LMNB1: variants seen among roughly 807,000 people sequenced by gnomAD.
LMNB1 encodes the protein lamin-B1.
In LMNB1, 23 loss-of-function variants were observed where a neutral mutation model predicts 67.1. That is an observed-to-expected ratio of 0.34 (90% CI 0.25 to 0.49). The LOEUF is 0.49. Ranked by LOEUF, LMNB1 falls within the 20% of genes least tolerant of loss-of-function variation. LMNB1 has a pLI of 0.99. For synonymous variants in LMNB1, 281 were observed against 282.9 expected, an observed-to-expected ratio of 0.99 and a Z score of 0.07; for missense variants, 634 against 746.5, an observed-to-expected ratio of 0.85 and a Z score of 1.76.
intron 10 of LMNB1, among the ~76,000 whole-genome samples, chr5:126,833,112 C>G (rs1432528964): frequency 2.6e-5 from 4 of 152,130 alleles, no homozygotes; most frequent in African/African-American, 9.7e-5. Context: ...CTTGTTTACT[C>G]TGTAGGGTCC....
Position 126,819,006 on chromosome 5 carries a change from AAAGAGAG to A in LMNB1, c.1026_1032del (p.Glu343ArgfsTer5). The A allele has an allele frequency of 6.2e-7, 1 of 1,614,170 alleles. No individual in the cohort carries two copies. The highest frequency in any genetic ancestry group is 8.5e-7 in the Non-Finnish European group (1 of 1,179,990). ...CAACTCTCGTCGCATGCTGACAGAC[AAAGAGAG>A]AGAGATGGCGGAAATAAGGGATCAA... On this transcript the variant is annotated frameshift_variant, in exon 6 of 11. Transcript: ENST00000261366. LOFTEE classifies it high-confidence loss of function.
chr5:126,821,041 G>T lies in LMNB1; in HGVS notation c.1292G>T (p.Ser431Ile). ...VEESEASSSV[S>I]ISHSASATGN... ...GAATCAGAGGCGAGTAGTAGTGTTA[G>T]CATCTCTCATTCCGCCTCAGCCACT... The change falls in exon 7 of 11, where the codon AGC (serine) becomes ATC (isoleucine). Residue 431 changes from serine to isoleucine, a missense_variant. Transcript: ENST00000261366. 6.2e-7 allele frequency: 1 copy of T among 1,613,988 alleles called. No homozygotes were observed.
At chr5:126,777,930 A>T (rs1580518452) in intron 1 of LMNB1, 63 bp downstream of exon 1, 3 of 1,369,048 alleles carry the variant, frequency 2.2e-6, no homozygotes, top group Non-Finnish European at 2.8e-6. Context: ...CGCGGCGACC[A>T]GCTCACCGGG....
At chr5:126,780,481 A>G (rs1750604350) in intron 1 of LMNB1, among the ~76,000 whole-genome samples, 5 of 152,232 alleles carry the variant, frequency 3.3e-5, no homozygotes, top group Admixed American at 2.6e-4. Flanking sequence ...TCTAAAATGC[A>G]TGCTGGTTTC....
At chr5:126,800,951 CTATATATA>C (rs57113826) in intron 1 of LMNB1, among the ~76,000 whole-genome samples, 14 of 47,302 alleles carry the variant, frequency 3.0e-4, no homozygotes, top group South Asian at 1.0e-3. Flanking sequence ...TGCAGCCAGA[CTATATATA>C]TATATATATA....
chr5:126,808,124 G>A (rs1019612527), intron 3 of LMNB1, among the ~76,000 whole-genome samples: 3 of 151,478 alleles, frequency 2.0e-5, no homozygotes, highest in African/African-American at 7.3e-5. Context: ...CATCTGCCTC[G>A]GCCTCCCAAA....
intron 9 of LMNB1, 129 bp from the exon 10 acceptor site, chr5:126,832,565 G>T (rs1752160113): frequency 6.9e-6 from 4 of 577,364 alleles, no homozygotes; most frequent in South Asian, 6.8e-5. Context: ...CTCCCAAAGT[G>T]CTGGGATTAC....
chr5:126,835,119 T>C (rs1752220242), intron 10 of LMNB1, among the ~76,000 whole-genome samples: 1 of 152,110 alleles, frequency 6.6e-6, no homozygotes, highest in African/African-American at 2.4e-5. Flanking sequence ...TGAGGGAATA[T>C]ATAATGGAAA....
chr5:126,787,546 A>ATTTTTTTTTTTTTTTTTT (rs142332901), intron 1 of LMNB1, among the ~76,000 whole-genome samples: 29 of 65,574 alleles, frequency 4.4e-4, no homozygotes, highest in Non-Finnish European at 6.8e-4. Flanking sequence ...ATATATATAT[A>ATTTTTTTTTTTTTTTTTT]TTTTTTTTTT....
intron 9 of LMNB1, among the ~76,000 whole-genome samples, chr5:126,830,605 A>G (rs1390765362): frequency 1.3e-5 from 2 of 152,204 alleles, no homozygotes; most frequent in Non-Finnish European, 2.9e-5. Flanking sequence ...AAGGTAATTC[A>G]TAATAATGAA....
chr5:126,787,044 A>G (rs1750804885), intron 1 of LMNB1, among the ~76,000 whole-genome samples: 1 of 152,204 alleles, frequency 6.6e-6, no homozygotes, highest in Non-Finnish European at 1.5e-5. Flanking sequence ...TTTGTGGAAC[A>G]GGTACTATAT....
chr5:126,787,546 A>ATATATATATATATTTTTTT, intron 1 of LMNB1, among the ~76,000 whole-genome samples: 14 of 65,554 alleles, frequency 2.1e-4, no homozygotes, highest in African/African-American at 5.9e-4. Context: ...ATATATATAT[A>ATATATATATATATTTTTTT]TTTTTTTTTT....
chr5:126,800,977 ATAT>A (rs1386983199), intron 1 of LMNB1, among the ~76,000 whole-genome samples: 4 of 38,268 alleles, frequency 1.0e-4, no homozygotes, highest in African/African-American at 2.3e-4. Flanking sequence ...ATATATATAT[ATAT>A]AATTTTTTTT....
intron 6 of LMNB1, 80 bp from the exon 7 acceptor site, chr5:126,820,830 T>G: frequency 4.4e-5 from 47 of 1,064,044 alleles, no homozygotes; most frequent in Non-Finnish European, 5.8e-5. Context: ...GCCCAGCCCT[T>G]GTTTTTTTGT....
chr5:126,822,462 G>A (rs180808199), intron 7 of LMNB1, among the ~76,000 whole-genome samples: 4 of 152,336 alleles, frequency 2.6e-5, no homozygotes, highest in Non-Finnish European at 1.5e-5. Flanking sequence ...TTGTGATTAT[G>A]ACAGCTAGAT....
chr5:126,820,787 A>G lies in LMNB1; in HGVS notation c.1161-123A>G, dbSNP rs1056156375. 15 of 719,824 alleles carry G rather than the reference A, an allele frequency of 2.1e-5. No homozygotes were observed. In the South Asian group the frequency reaches 2.6e-4, roughly 13 times the overall value. 44.6% of individuals were successfully genotyped at this position (719,824 alleles called of 1,614,324 possible). On this transcript the variant is annotated intron_variant, in intron 6 of 10. Coordinates refer to ENST00000261366, the MANE Select transcript of LMNB1 (RefSeq NM_005573.4). ...GCAATCCACCTGCCTTGGCCTCCCA[A>G]AGTGCTGTTGGGTTACAGACATGAG...
rs916942699 is a variant in LMNB1, at chr5:126,831,809, A to C, written c.1612-885A>C. 2.6e-4 allele frequency among the ~76,000 whole-genome samples: 40 copies of C among 152,212 alleles called. 1 individual carries two copies. The highest frequency in any genetic ancestry group is 2.9e-5 in the Non-Finnish European group (2 of 68,026). ...GAATTCTTAGTAACAGAATAGGATA[A>C]AAAGCAGTGGAAACTTCTCAGCAGA... On this transcript the variant is annotated intron_variant, in intron 9 of 10. Transcript: ENST00000261366.
At chr5:126,787,546 A>ATTTTTTT (rs142332901) in intron 1 of LMNB1, among the ~76,000 whole-genome samples, 32 of 65,540 alleles carry the variant, frequency 4.9e-4, no homozygotes, top group African/African-American at 1.5e-3. Context: ...ATATATATAT[A>ATTTTTTT]TTTTTTTTTT....
chr5:126,787,456 AACATATACTT>A (rs1750819976), intron 1 of LMNB1, among the ~76,000 whole-genome samples: 3 of 148,192 alleles, frequency 2.0e-5, no homozygotes, highest in Non-Finnish European at 3.0e-5. Context: ...TGTTATATAT[AACATATACTT>A]TATGTATATG....
Sources: gnomAD v4.1 joint callset for allele counts (sites outside exome capture counted in the v4.1 genomes callset) on GRCh38, gnomAD v4.1.1 for gene constraint, MANE v1.5 for transcripts, NCBI Gene and HGNC (gene_info 2026-07-23, HGNC 2026-07-21) for gene names.